Variants in GRM3 observed in about 807,000 individuals in gnomAD.
The protein encoded by GRM3 is glutamate metabotropic receptor 3.
A neutral mutation model predicts 70.5 loss-of-function variants in GRM3; 26 were observed. The observed-to-expected ratio is 0.37, with a 90% confidence interval of 0.27 to 0.51. The LOEUF is 0.51. Ranked by LOEUF, GRM3 falls within the 20% of genes least tolerant of loss-of-function variation. The pLI is 0.93. For missense variants in GRM3, 859 were observed against 1,123.8 expected (o/e 0.76, Z 3.37); for synonymous variants, 443 against 434.9 (o/e 1.02, Z -0.23).
intron 1 of GRM3, among the ~76,000 whole-genome samples, chr7:86,752,072 T>G (rs2116363794): frequency 6.6e-6 from 1 of 152,194 alleles, no homozygotes; most frequent in African/African-American, 2.4e-5. Context: ...GCTTTATGAC[T>G]TTTCACAAAC....
At chr7:86,684,973 A>G (rs1794529513) in intron 1 of GRM3, among the ~76,000 whole-genome samples, 1 of 152,198 alleles carries the variant, frequency 6.6e-6, no homozygotes, top group Non-Finnish European at 1.5e-5. Flanking sequence ...GTAACTGAGA[A>G]AAAGGAAGCA....
At chr7:86,854,220 T>C (rs1798806912) in intron 5 of GRM3, among the ~76,000 whole-genome samples, 1 of 152,280 alleles carries the variant, frequency 6.6e-6, no homozygotes, top group Middle Eastern at 3.4e-3. Context: ...AACTGGAAAG[T>C]ACAGCCATAT....
At position 86,820,950 on chromosome 7, in the gene GRM3, A is replaced by C. The variant is rs139129699; in HGVS notation, c.1325-17889A>C. ...CAAAGTCACAGGTTCTTTCTTTCTT[A>C]CTTCAAAGCCAAAAATATGTCCTGC... On this transcript the variant is annotated intron_variant, in intron 3 of 5. Coordinates refer to ENST00000361669, the MANE Select transcript of GRM3 (RefSeq NM_000840.3). Among the ~76,000 whole-genome samples the C allele has an allele frequency of 3.3e-5, 5 of 152,270 alleles. No individual in the cohort carries two copies. The East Asian group carries it at 7.7e-4, about 24-fold the overall frequency.
At chr7:86,849,389 G>T (rs187185846) in intron 4 of GRM3, among the ~76,000 whole-genome samples, 1 of 152,190 alleles carries the variant, frequency 6.6e-6, no homozygotes. Context: ...TTCAAAGTAA[G>T]CAAGGCCTAA....
At chr7:86,781,794 A>G (rs1797070220) in intron 2 of GRM3, among the ~76,000 whole-genome samples, 1 of 152,186 alleles carries the variant, frequency 6.6e-6, no homozygotes, top group African/African-American at 2.4e-5. Context: ...AAATATAGAA[A>G]TATAAGACTT....
intron 2 of GRM3, among the ~76,000 whole-genome samples, chr7:86,774,887 A>G (rs1327258623): frequency 6.6e-6 from 1 of 152,172 alleles, no homozygotes; most frequent in Non-Finnish European, 1.5e-5. Flanking sequence ...TTCCATCTAA[A>G]TAAAAATATA....
At chr7:86,743,625 C>T (rs1475314129) in intron 1 of GRM3, among the ~76,000 whole-genome samples, 1 of 152,066 alleles carries the variant, frequency 6.6e-6, no homozygotes, top group Non-Finnish European at 1.5e-5. Context: ...TTTCATACCT[C>T]TTAGATTCTA....
chr7:86,800,717 G>A (rs1205490906), intron 3 of GRM3, among the ~76,000 whole-genome samples: 1 of 152,168 alleles, frequency 6.6e-6, no homozygotes, highest in Non-Finnish European at 1.5e-5. Context: ...GGTACAAAGA[G>A]GAGCTGGTAT....
chr7:86,696,239 T>C (rs1020616026), intron 1 of GRM3, among the ~76,000 whole-genome samples: 1 of 152,198 alleles, frequency 6.6e-6, no homozygotes, highest in Non-Finnish European at 1.5e-5. Context: ...TAGATATGAT[T>C]AAATTAAGAA....
chr7:86,704,720 C>T (rs1350226454), intron 1 of GRM3, among the ~76,000 whole-genome samples: 1 of 151,868 alleles, frequency 6.6e-6, no homozygotes, highest in Non-Finnish European at 1.5e-5. Context: ...CCTTGAAAGA[C>T]TGAAAAACCT....
rs542940897 is a variant in GRM3, at chr7:86,675,803, A to G, written c.-141+30931A>G. Reference sequence around the variant, plus strand: ...CATTGCATGTATTTTAAAATTTTCCATAGATTCAAATGTCTCAGAATTTTT... The same window carrying G: ...CATTGCATGTATTTTAAAATTTTCCGTAGATTCAAATGTCTCAGAATTTTT... On this transcript the variant is annotated intron_variant, in intron 1 of 5. Coordinates refer to ENST00000361669, the MANE Select transcript of GRM3 (RefSeq NM_000840.3). Among the ~76,000 whole-genome samples, 370 of 152,120 alleles carry G rather than the reference A, an allele frequency of 2.4e-3. 3 individuals are homozygous for G. The highest frequency in any genetic ancestry group is 8.5e-3 in the African/African-American group (351 of 41,466).
intron 5 of GRM3, 91 bp from the exon 6 acceptor site, chr7:86,864,191 C>T (rs541828350): frequency 9.4e-6 from 7 of 743,136 alleles, no homozygotes; most frequent in South Asian, 2.9e-5. Flanking sequence ...CCCTTCCCCC[C>T]GAGTCCCCAA....
chr7:86,702,128 T>TA (rs1158502692), intron 1 of GRM3, among the ~76,000 whole-genome samples: 1 of 152,028 alleles, frequency 6.6e-6, no homozygotes, highest in Non-Finnish European at 1.5e-5. Flanking sequence ...AAGTCCTTCT[T>TA]AAAATTCTCA....
Position 86,786,662 on chromosome 7 carries a change from C to G in GRM3, c.870C>G (p.Arg290=). The change falls in exon 3 of 6, where the codon CGC becomes CGG. Residue 290 remains arginine (R), a synonymous_variant. Coordinates refer to ENST00000361669, the MANE Select transcript of GRM3 (RefSeq NM_000840.3). This position sits in a 1 kb window ranked among gnomAD's most constrained non-coding sequence, Gnocchi z 6.0. ...GGGAGCTCATTGCAGCCGCCAGCCG[C>G]GCCAATGCCTCCTTCACCTGGGTGG... ...DSRELIAAAS[R]ANASFTWVAS... The G allele has an allele frequency of 6.2e-7, 1 of 1,612,000 alleles. No homozygotes were observed. The highest frequency in any genetic ancestry group is 8.5e-7 in the Non-Finnish European group (1 of 1,179,860).
At chr7:86,783,808 T>C (rs1292872702) in intron 2 of GRM3, among the ~76,000 whole-genome samples, 1 of 152,244 alleles carries the variant, frequency 6.6e-6, no homozygotes, top group African/African-American at 2.4e-5. Flanking sequence ...CATGTGTTTC[T>C]AATGTAACTC....
At chr7:86,785,190 G>A (rs557027751) in intron 2 of GRM3, among the ~76,000 whole-genome samples, 1 of 152,296 alleles carries the variant, frequency 6.6e-6, no homozygotes, top group East Asian at 1.9e-4. Flanking sequence ...CACTTAGTAT[G>A]TTACATAATT....
chr7:86,814,881 C>T (rs1797984893), intron 3 of GRM3, among the ~76,000 whole-genome samples: 1 of 151,276 alleles, frequency 6.6e-6, no homozygotes, highest in Admixed American at 6.6e-5. Context: ...AAAAGTTTCC[C>T]AGAATGTTTC....
chr7:86,708,018 AC>A (rs1483932508), intron 1 of GRM3, among the ~76,000 whole-genome samples: 1 of 152,156 alleles, frequency 6.6e-6, no homozygotes, highest in African/African-American at 2.4e-5. Flanking sequence ...GCCCAATGTC[AC>A]TGAGAGACTA....
intron 1 of GRM3, among the ~76,000 whole-genome samples, chr7:86,680,327 G>T (rs901110717): frequency 6.6e-6 from 1 of 152,112 alleles, no homozygotes. Flanking sequence ...TTTCCAAAAG[G>T]ATTAATTTGT....
Sources: gnomAD v4.1 joint callset for allele counts (sites outside exome capture counted in the v4.1 genomes callset) on GRCh38, gnomAD v4.1.1 for gene constraint, Gnocchi (gnomAD v3.1) non-coding constraint, MANE v1.5 for transcripts, NCBI Gene and HGNC (gene_info 2026-07-23, HGNC 2026-07-21) for gene names.